NLGN1: variants seen among roughly 807,000 people sequenced by gnomAD.
NLGN1 encodes the protein neuroligin-1.
In NLGN1, 12 loss-of-function variants were observed where a neutral mutation model predicts 65.5. That is an observed-to-expected ratio of 0.18 (90% confidence interval 0.12 to 0.30). NLGN1 has a LOEUF of 0.30. NLGN1 is among the 10% of genes least tolerant of loss of function. The probability of loss-of-function intolerance (pLI) is 1.00; values close to 1 mark genes in which losing one functional copy is unlikely to be tolerated. For synonymous variants in NLGN1, 350 were observed against 359.5 expected (o/e 0.97, Z 0.30); for missense variants, 750 against 1,007.1 (o/e 0.74, Z 3.46).
intron 2 of NLGN1, among the ~76,000 whole-genome samples, chr3:173,480,200 T>G (rs768976900): frequency 6.6e-6 from 1 of 152,006 alleles, no homozygotes; most frequent in Non-Finnish European, 1.5e-5. Context: ...GTGCAAAACA[T>G]GTGATTCTCG....
At chr3:173,952,821 A>C (rs1012193367) in intron 4 of NLGN1, among the ~76,000 whole-genome samples, 1 of 147,086 alleles carries the variant, frequency 6.8e-6, no homozygotes, top group Non-Finnish European at 1.5e-5. Context: ...CTTGTCACCC[A>C]GGGTGGAGTG....
intron 4 of NLGN1, among the ~76,000 whole-genome samples, chr3:174,272,896 T>C (rs1196669641): frequency 6.6e-6 from 1 of 151,698 alleles, no homozygotes. Flanking sequence ...TGTGGTTTAA[T>C]AATGACATTT....
At chr3:174,205,538 G>T (rs536096356) in intron 4 of NLGN1, among the ~76,000 whole-genome samples, 2 of 152,242 alleles carry the variant, frequency 1.3e-5, no homozygotes, top group African/African-American at 4.8e-5. Context: ...GGACTTTTCA[G>T]TGATTTTGCT....
At chr3:173,550,214 G>T (rs1007656834) in intron 2 of NLGN1, among the ~76,000 whole-genome samples, 1 of 151,986 alleles carries the variant, frequency 6.6e-6, no homozygotes, top group Admixed American at 6.6e-5. Context: ...ATTATATTTA[G>T]ATAATTAAAA....
At chr3:173,932,191 T>G (rs1380752739) in intron 4 of NLGN1, among the ~76,000 whole-genome samples, 1 of 152,116 alleles carries the variant, frequency 6.6e-6, no homozygotes, top group Admixed American at 6.6e-5. Context: ...TTTGGTTATT[T>G]TTTTCAGTTA....
At chr3:173,499,168 T>C (rs1341166044) in intron 2 of NLGN1, among the ~76,000 whole-genome samples, 4 of 151,798 alleles carry the variant, frequency 2.6e-5, no homozygotes, top group Non-Finnish European at 5.9e-5. Context: ...GGTTTTCTTC[T>C]AGGGTTTTTA....
chr3:173,743,215 G>T (rs1042177635), intron 3 of NLGN1, among the ~76,000 whole-genome samples: 1 of 151,980 alleles, frequency 6.6e-6, no homozygotes, highest in African/African-American at 2.4e-5. Flanking sequence ...TTCTAAATTT[G>T]ATTTATTTTT....
At chr3:173,934,575 G>A (rs1160547552) in intron 4 of NLGN1, among the ~76,000 whole-genome samples, 1 of 151,858 alleles carries the variant, frequency 6.6e-6, no homozygotes, top group Non-Finnish European at 1.5e-5. Flanking sequence ...GGGCTTCTTA[G>A]CTTTCTGGCC....
intron 2 of NLGN1, among the ~76,000 whole-genome samples, chr3:173,461,105 T>A (rs1178661693): frequency 6.6e-6 from 1 of 152,144 alleles, no homozygotes; most frequent in African/African-American, 2.4e-5. Context: ...GGCAGATATA[T>A]CTTGTAGTCA....
At chr3:173,742,765 G>A (rs1202634885) in intron 3 of NLGN1, among the ~76,000 whole-genome samples, 2 of 152,066 alleles carry the variant, frequency 1.3e-5, no homozygotes, top group African/African-American at 4.8e-5. Flanking sequence ...AGCAAAAGTT[G>A]TAATTTGTTT....
At chr3:173,911,964 A>T (rs904347482) in intron 4 of NLGN1, among the ~76,000 whole-genome samples, 1 of 152,202 alleles carries the variant, frequency 6.6e-6, no homozygotes, top group Non-Finnish European at 1.5e-5. Context: ...ATCTTTCAGG[A>T]TAATAATAAT....
At chr3:173,830,323 C>G (rs902969089) in intron 4 of NLGN1, among the ~76,000 whole-genome samples, 10 of 152,066 alleles carry the variant, frequency 6.6e-5, no homozygotes, top group African/African-American at 2.4e-4. Flanking sequence ...AAGAAGATTG[C>G]CATAGTTGAA....
rs556758939 is a variant in NLGN1, at chr3:174,138,225, A to G, written c.647-137090A>G. On this transcript the variant is annotated intron_variant, in intron 4 of 6. Transcript: ENST00000457714. ...ATATAGCAGTTATTTGAAATTTGGC[A>G]TAGAAATTTAGTTCCCAATGTTTAA... 3.4e-4 allele frequency among the ~76,000 whole-genome samples: 52 copies of G among 152,276 alleles called. 1 individual carries two copies. The highest frequency in any genetic ancestry group is 1.2e-3 in the African/African-American group (50 of 41,550).
At chr3:173,436,978 T>A (rs11918931) in intron 2 of NLGN1, among the ~76,000 whole-genome samples, 2 of 152,034 alleles carry the variant, frequency 1.3e-5, no homozygotes, top group Non-Finnish European at 2.9e-5. Flanking sequence ...TCCTTTTTAT[T>A]TTTCTTCACC....
At chr3:173,548,024 A>G (rs1289043895) in intron 2 of NLGN1, among the ~76,000 whole-genome samples, 1 of 151,856 alleles carries the variant, frequency 6.6e-6, no homozygotes, top group Non-Finnish European at 1.5e-5. Context: ...TCCCACTATA[A>G]TAACTTATTC....
intron 4 of NLGN1, among the ~76,000 whole-genome samples, chr3:174,000,458 G>A (rs9873923): frequency 0.025 from 3,783 of 152,206 alleles, 135 homozygotes; most frequent in African/African-American, 0.074. Context: ...ATGGAGGCAA[G>A]GTGAGTTGAT....
At chr3:174,212,118 C>A (rs529717680) in intron 4 of NLGN1, among the ~76,000 whole-genome samples, 1 of 152,182 alleles carries the variant, frequency 6.6e-6, no homozygotes, top group African/African-American at 2.4e-5. Context: ...CCCTGCCCCG[C>A]GGGAGGGCAG....
chr3:173,869,380 A>G (rs1336908817), intron 4 of NLGN1, among the ~76,000 whole-genome samples: 1 of 152,204 alleles, frequency 6.6e-6, no homozygotes, highest in Middle Eastern at 3.2e-3. Context: ...AATGATCAAT[A>G]ATCTTTAGCT....
chr3:174,251,886 T>C (rs1002129758), intron 4 of NLGN1, among the ~76,000 whole-genome samples: 1 of 152,144 alleles, frequency 6.6e-6, no homozygotes, highest in Non-Finnish European at 1.5e-5. Context: ...CCAGATGTTT[T>C]CCATCTTTTC....
Sources: allele counts gnomAD v4.1 joint callset (sites outside exome capture counted in the v4.1 genomes callset), GRCh38; gene constraint gnomAD v4.1.1; transcripts MANE v1.5; gene names NCBI Gene and HGNC (gene_info 2026-07-23, HGNC 2026-07-21).